TAF12: variants seen among roughly 807,000 people sequenced by gnomAD.
TAF12 encodes the protein TATA-box binding protein associated factor 12, also known as transcription initiation factor TFIID subunit 12.
Under a neutral mutation model 20.8 loss-of-function variants are expected in TAF12, and 3 were observed. That is an observed-to-expected ratio of 0.14 (90% CI 0.07 to 0.37). The LOEUF (loss-of-function observed/expected upper bound fraction) is 0.37. Ranked by LOEUF, TAF12 falls within the 10% of genes least tolerant of loss-of-function variation. TAF12 has a pLI of 1.00. For synonymous variants in TAF12, 69 were observed against 70.2 expected, an observed-to-expected ratio of 0.98 and a Z score of 0.09; for missense variants, 131 against 197.9, an observed-to-expected ratio of 0.66 and a Z score of 2.03.
chr1:28,641,358 C>T (rs1365387430), intron 1 of TAF12, among the ~76,000 whole-genome samples: 1 of 151,894 alleles, frequency 6.6e-6, no homozygotes, highest in Non-Finnish European at 1.5e-5. Flanking sequence ...TGGCACACAC[C>T]TGTAATTCCA....
chr1:28,642,163 G>A (rs547986052), intron 1 of TAF12, among the ~76,000 whole-genome samples: 1 of 152,116 alleles, frequency 6.6e-6, no homozygotes, highest in African/African-American at 2.4e-5. Context: ...CAAGAATGAA[G>A]CAGAAAATGA....
intron 4 of TAF12, among the ~76,000 whole-genome samples, chr1:28,609,884 A>G (rs1666793873): frequency 6.6e-6 from 1 of 152,154 alleles, no homozygotes; most frequent in South Asian, 2.1e-4. Flanking sequence ...TATATCCATT[A>G]AACAACTCCC....
upstream of TAF12, chr1:28,643,324 G>GCTGCTTATTTA (rs369526099): frequency 1.3e-5 from 2 of 159,138 alleles, no homozygotes; most frequent in Admixed American, 6.5e-5. Flanking sequence ...TCTTCCCGAC[G>GCTGCTTATTTA]CTGCTTATTT....
chr1:28,629,940 C>T (rs530465197), intron 1 of TAF12, among the ~76,000 whole-genome samples: 95 of 151,016 alleles, frequency 6.3e-4, no homozygotes, highest in Admixed American at 5.4e-3. Flanking sequence ...GCACCCAACT[C>T]TAACCTGTTT....
chr1:28,635,166 C>T (rs1265470306), intron 1 of TAF12, among the ~76,000 whole-genome samples: 1 of 127,208 alleles, frequency 7.9e-6, no homozygotes, highest in African/African-American at 2.9e-5. Context: ...GGAGGTGGAG[C>T]TTGCAGTGAG....
intron 1 of TAF12, among the ~76,000 whole-genome samples, chr1:28,636,614 A>T (rs1667832225): frequency 6.6e-6 from 1 of 151,700 alleles, no homozygotes; most frequent in Non-Finnish European, 1.5e-5. Flanking sequence ...ACATAGTGAG[A>T]TCTGGTCACT....
At chr1:28,632,204 A>C (rs1400281103) in intron 1 of TAF12, among the ~76,000 whole-genome samples, 2 of 152,194 alleles carry the variant, frequency 1.3e-5, no homozygotes, top group African/African-American at 4.8e-5. Flanking sequence ...TTGGGAGGCC[A>C]AGGCAGGTGG....
chr1:28,628,580 T>C (rs572522585), intron 1 of TAF12, among the ~76,000 whole-genome samples: 8 of 151,982 alleles, frequency 5.3e-5, no homozygotes, highest in Admixed American at 5.2e-4. Context: ...GTGGTGATGG[T>C]TGCCAACCCT....
rs1423879258 is a variant in TAF12, at chr1:28,619,435, T to C, written c.169-1405A>G. Among the ~76,000 whole-genome samples the C allele has an allele frequency of 6.2e-5, 9 of 145,420 alleles. No homozygotes were observed. In the East Asian group the frequency reaches 1.9e-3, roughly 30 times the overall value. On this transcript the variant is annotated intron_variant, in intron 2 of 5. Coordinates refer to ENST00000373824, the MANE Select transcript of TAF12 (RefSeq NM_005644.4). Reference sequence around the variant, plus strand: ...ATGGCGTGAACCCGGGAGGCAGAGCTTGCAGTGAGACGAGATTGCGCCACT... The same window carrying C: ...ATGGCGTGAACCCGGGAGGCAGAGCCTGCAGTGAGACGAGATTGCGCCACT...
chr1:28,642,715 G>C (rs1668078845), intron 1 of TAF12: 2 of 985,126 alleles, frequency 2.0e-6, no homozygotes, highest in Non-Finnish European at 2.4e-6. Flanking sequence ...GTAGGAGTGC[G>C]GGTCCTCATA....
chr1:28,642,942 G>T, intron 1 of TAF12, 50 bp downstream of exon 1: 1 of 986,326 alleles, frequency 1.0e-6, no homozygotes, highest in Non-Finnish European at 1.2e-6. Context: ...TCTGGGTCCT[G>T]ACTCCCTCCT....
At chr1:28,605,630 CT>C (rs955086467) in intron 4 of TAF12, among the ~76,000 whole-genome samples, 170 bp from the exon 5 acceptor site, 9 of 151,100 alleles carry the variant, frequency 6.0e-5, no homozygotes, top group Non-Finnish European at 8.9e-5. Context: ...AAGGTTTTTT[CT>C]TTTTTTTTGG....
intron 1 of TAF12, among the ~76,000 whole-genome samples, chr1:28,636,236 G>C (rs916463377): frequency 6.6e-6 from 1 of 152,192 alleles, no homozygotes; most frequent in African/African-American, 2.4e-5. Context: ...GGGACCCCAC[G>C]TCTGTAATCC....
Position 28,643,043 on chromosome 1 carries a change from G to A in TAF12, c.-136C>T. On this transcript the variant is annotated 5_prime_UTR_variant, in exon 1 of 6. In the 5' UTR this introduces an upstream ATG that the reference lacks. Coordinates refer to ENST00000373824, the MANE Select transcript of TAF12 (RefSeq NM_005644.4). The stretch of plus-strand genomic sequence containing the variant: ...TATGCAGAGACTGCCCCAGTGAAGC[G>A]TTCGTCTCAGCAGCCGGTCCGACTG... The A allele has an allele frequency of 1.0e-6, 1 of 985,886 alleles. No individual in the cohort carries two copies. The highest frequency in any genetic ancestry group is 1.2e-6 in the Non-Finnish European group (1 of 829,962). The allele number at this position is 985,886 out of a possible 1,614,324, so 61.1% of individuals were successfully genotyped here.
At chr1:28,628,222 A>G (rs1244656156) in intron 1 of TAF12, among the ~76,000 whole-genome samples, 2 of 3,102 alleles carry the variant, frequency 6.4e-4, no homozygotes, top group African/African-American at 3.1e-3. Flanking sequence ...GACACGGTGC[A>G]GGGGGTGGGG....
At chr1:28,616,262 G>A (rs1667037470) in intron 3 of TAF12, among the ~76,000 whole-genome samples, 1 of 151,736 alleles carries the variant, frequency 6.6e-6, no homozygotes, top group African/African-American at 2.4e-5. Context: ...CAGGTATGGT[G>A]GTGTGCACCT....
At chr1:28,637,916 A>G (rs1667892676) in intron 1 of TAF12, among the ~76,000 whole-genome samples, 1 of 152,118 alleles carries the variant, frequency 6.6e-6, no homozygotes, top group African/African-American at 2.4e-5. Context: ...TTCGGGAGGC[A>G]GATGTAGGAG....
At chr1:28,616,168 G>A (rs909254041) in intron 3 of TAF12, among the ~76,000 whole-genome samples, 1 of 151,976 alleles carries the variant, frequency 6.6e-6, no homozygotes. Flanking sequence ...AGGCTGAGGT[G>A]GACAGATCAC....
chr1:28,638,479 G>A lies in TAF12; in HGVS notation c.-85+4513C>T, dbSNP rs561001481. Among the ~76,000 whole-genome samples, 87 of 113,094 alleles carry A rather than the reference G, an allele frequency of 7.7e-4. No individual in the cohort carries two copies. The South Asian group carries it at 0.024, about 31-fold the overall frequency. The allele number at this position is 113,094 out of a possible 152,430, so 74.2% of individuals were successfully genotyped here. Reference sequence around the variant, plus strand: ...GCTGGGATTACAGGCATAAGCCACCGCGCCCGGCCTAATTTTTTTTTTTTT... The same window carrying A: ...GCTGGGATTACAGGCATAAGCCACCACGCCCGGCCTAATTTTTTTTTTTTT... On this transcript the variant is annotated intron_variant, in intron 1 of 5. Coordinates refer to ENST00000373824, the MANE Select transcript of TAF12 (RefSeq NM_005644.4).
Sources: gnomAD v4.1 joint callset for allele counts (sites outside exome capture counted in the v4.1 genomes callset) on GRCh38, gnomAD v4.1.1 for gene constraint, MANE v1.5 for transcripts, NCBI Gene and HGNC (gene_info 2026-07-23, HGNC 2026-07-21) for gene names.